Variants in SF3B3 observed in about 807,000 individuals in gnomAD.
The protein encoded by SF3B3 is splicing factor 3b subunit 3.
A neutral mutation model predicts 139.2 loss-of-function variants in SF3B3; 33 were observed. The ratio of observed to expected loss-of-function variants is 0.24; its 90% CI spans 0.18 to 0.32. SF3B3 has a LOEUF of 0.32. Among genes scored for constraint, SF3B3 ranks in the 10% least tolerant of loss-of-function variants. The pLI, the probability that SF3B3 is intolerant of heterozygous loss-of-function variation, is 1.00. For missense variants in SF3B3, 818 were observed against 1,509.4 expected, an observed-to-expected ratio of 0.54 and a Z score of 7.59; for synonymous variants, 596 against 563.6, an observed-to-expected ratio of 1.06 and a Z score of -0.81.
chr16:70,555,570 A>T (rs573399748), intron 13 of SF3B3, among the ~76,000 whole-genome samples: 1 of 151,352 alleles, frequency 6.6e-6, no homozygotes, highest in East Asian at 2.0e-4. Context: ...GGGTAATTTG[A>T]TGTCTAATTC....
intron 11 of SF3B3, among the ~76,000 whole-genome samples, chr16:70,552,979 C>T (rs762184404): frequency 5.9e-5 from 9 of 152,198 alleles, no homozygotes; most frequent in Non-Finnish European, 8.8e-5. Context: ...GGGGCGATCT[C>T]GGCTCACTGC....
intron 11 of SF3B3, chr16:70,554,121 A>C (rs1181839641): frequency 5.8e-6 from 1 of 171,556 alleles, no homozygotes; most frequent in Non-Finnish European, 1.2e-5. Flanking sequence ...AAATAAATGA[A>C]GCTCTAGCTC....
At chr16:70,533,889 T>G (rs574204101) in intron 5 of SF3B3, among the ~76,000 whole-genome samples, 27 of 152,358 alleles carry the variant, frequency 1.8e-4, no homozygotes, top group Admixed American at 7.2e-4. Flanking sequence ...TTACAAGGGC[T>G]TTTTCATTCT....
intron 10 of SF3B3, among the ~76,000 whole-genome samples, chr16:70,545,984 T>C (rs1173348746): frequency 6.6e-6 from 1 of 152,098 alleles, no homozygotes; most frequent in East Asian, 1.9e-4. Context: ...TGGTTTTTTG[T>C]TGTTGTTGTT....
rs570583515 is a variant in SF3B3 at position 70,538,032 on chromosome 16, A to T, written c.826-291A>T. 25 of 594,368 alleles carry T rather than the reference A, an allele frequency of 4.2e-5. No homozygotes were observed. The Admixed American group carries it at 4.5e-4, about 11-fold the overall frequency. 36.8% of individuals were successfully genotyped at this position (594,368 alleles called of 1,614,324 possible). On this transcript the variant is annotated intron_variant, in intron 6 of 25. Coordinates refer to ENST00000302516, the MANE Select transcript of SF3B3 (RefSeq NM_012426.5). ...GCCTGAAATGATGACTCTTTAAAAA[A>T]TTTCATGTCTCTTCTCTGACATTTT...
intron 1 of SF3B3, among the ~76,000 whole-genome samples, chr16:70,525,802 A>G (rs529485734): frequency 6.6e-6 from 1 of 151,880 alleles, no homozygotes; most frequent in South Asian, 2.1e-4. Flanking sequence ...CCCACTAAAA[A>G]TACAAAAAAT....
intron 11 of SF3B3, among the ~76,000 whole-genome samples, chr16:70,549,677 G>A (rs1049235382): frequency 2.0e-5 from 3 of 152,124 alleles, no homozygotes; most frequent in African/African-American, 7.2e-5. Flanking sequence ...TGTAATCCCA[G>A]CATATTGGGA....
intron 11 of SF3B3, 33 bp downstream of exon 11, chr16:70,548,475 G>A: frequency 6.3e-7 from 1 of 1,578,742 alleles, no homozygotes; most frequent in Non-Finnish European, 8.7e-7. Flanking sequence ...TCAAAATGAG[G>A]ATCTAGGTGC....
intron 6 of SF3B3, chr16:70,538,040 T>C (rs1437146052): frequency 1.6e-6 from 1 of 609,844 alleles, no homozygotes; most frequent in Admixed American, 1.8e-5. Flanking sequence ...AAATTTCATG[T>C]CTCTTCTCTG....
At position 70,564,009 on chromosome 16, in the gene SF3B3, A is replaced by C. The variant is rs753754875; in HGVS notation, c.2422A>C (p.Thr808Pro). Residue 808 changes from threonine to proline, a missense_variant, in exon 18 of 26, where the codon ACT becomes CCT. Coordinates refer to ENST00000302516, the MANE Select transcript of SF3B3 (RefSeq NM_012426.5). The stretch of plus-strand genomic sequence containing the variant: ...CATTGAAACGGACCACAATGCCTAC[A>C]CTGAGGCCACGAAAGCTCAGAGAAA... ...IIIETDHNAY[T>P]EATKAQRKQQ... The C allele has an allele frequency of 1.9e-5, 31 of 1,614,012 alleles. No homozygotes were observed. In the Admixed American group the frequency reaches 3.8e-4, roughly 20 times the overall value.
intron 9 of SF3B3, among the ~76,000 whole-genome samples, chr16:70,543,132 G>C (rs920858900): frequency 6.6e-6 from 1 of 152,102 alleles, no homozygotes; most frequent in African/African-American, 2.4e-5. Flanking sequence ...AATTAGCCAG[G>C]CATGGTGGCT....
At position 70,535,262 on chromosome 16, in the gene SF3B3, T is replaced by G. The variant is rs770492880; in HGVS notation, c.713-46T>G. On this transcript the variant is annotated intron_variant, in intron 5 of 25. Coordinates refer to ENST00000302516, the MANE Select transcript of SF3B3 (RefSeq NM_012426.5). ...AGGAGGAGTTGAAAGCTGAAGAAAT[T>G]CATGTCTGAGTCAAAGTCACTGCTA... The G allele has an allele frequency of 7.2e-6, 7 of 968,060 alleles. No individual in the cohort carries two copies. The African/African-American group carries it at 1.2e-4, about 16-fold the overall frequency. The allele number at this position is 968,060 out of a possible 1,614,324, so 60.0% of individuals were successfully genotyped here.
chr16:70,561,027 G>GT (rs869157742), intron 16 of SF3B3, among the ~76,000 whole-genome samples: 72 of 148,858 alleles, frequency 4.8e-4, no homozygotes, highest in Middle Eastern at 3.4e-3. Context: ...GTTTTTTGTT[G>GT]TTTTTTTTTT....
At chr16:70,540,157 G>A (rs941579168) in intron 8 of SF3B3, among the ~76,000 whole-genome samples, 3 of 150,006 alleles carry the variant, frequency 2.0e-5, no homozygotes, top group African/African-American at 4.9e-5. Context: ...CACTTTGGGA[G>A]GTTGAGGCGG....
At chr16:70,555,455 G>A (rs1567419986) in intron 13 of SF3B3, among the ~76,000 whole-genome samples, 1 of 145,542 alleles carries the variant, frequency 6.9e-6, no homozygotes, top group Non-Finnish European at 1.5e-5. Flanking sequence ...CTCCAGCCTG[G>A]CGACAGAGCA....
At chr16:70,551,834 A>G (rs2050330074) in intron 11 of SF3B3, among the ~76,000 whole-genome samples, 1 of 152,012 alleles carries the variant, frequency 6.6e-6, no homozygotes, top group African/African-American at 2.4e-5. Context: ...CCCAGCTTGG[A>G]CTCCAACTTT....
chr16:70,548,210 T>G (rs2050287295), intron 10 of SF3B3, among the ~76,000 whole-genome samples, 160 bp from the exon 11 acceptor site: 2 of 152,214 alleles, frequency 1.3e-5, no homozygotes, highest in South Asian at 4.1e-4. Context: ...AGAACCAGCC[T>G]GTTTGGTTCT....
chr16:70,555,328 A>G (rs952778126), intron 13 of SF3B3, 122 bp downstream of exon 13: 27 of 922,662 alleles, frequency 2.9e-5, no homozygotes, highest in Non-Finnish European at 4.5e-5. Context: ...AAATACAAAA[A>G]TTAGCTGGGC....
At chr16:70,529,987 A>T (rs2050104445) in intron 3 of SF3B3, among the ~76,000 whole-genome samples, 1 of 139,080 alleles carries the variant, frequency 7.2e-6, no homozygotes, top group South Asian at 2.4e-4. Flanking sequence ...ACAAAAAATT[A>T]GCTGGGTGTG....
Sources: allele counts gnomAD v4.1 joint callset (sites outside exome capture counted in the v4.1 genomes callset), GRCh38; gene constraint gnomAD v4.1.1; transcripts MANE v1.5; gene names NCBI Gene and HGNC (gene_info 2026-07-23, HGNC 2026-07-21).